CLDN16: variants seen among roughly 807,000 people sequenced by gnomAD.
CLDN16 encodes claudin-16.
CLDN16 carries 13 observed loss-of-function variants against 24.6 expected under a neutral mutation model. That is an observed-to-expected ratio of 0.53 (90% confidence interval 0.34 to 0.84). The LOEUF is 0.84. CLDN16 is among the 40% of genes least tolerant of loss of function. CLDN16 has a pLI of 0.01. For synonymous variants in CLDN16, 116 were observed against 106.7 expected, an observed-to-expected ratio of 1.09 and a Z score of -0.54; for missense variants, 298 against 292.7, an observed-to-expected ratio of 1.02 and a Z score of -0.13.
chr3:190,387,330 A>G (rs1393245251), upstream of CLDN16, among the ~76,000 whole-genome samples: 2 of 150,600 alleles, frequency 1.3e-5, no homozygotes, highest in Non-Finnish European at 2.9e-5. Flanking sequence ...TTTTTTTACA[A>G]AAAAGAAACA....
Position 190,404,884 on chromosome 3 carries a change from G to A in CLDN16, c.340G>A (p.Val114Ile). The change falls in exon 3 of 5, where the codon GTC becomes ATC. Residue 114 changes from valine to isoleucine, a missense_variant. Val to Ile is a conservative substitution (Grantham distance 29, BLOSUM62 3). Coordinates refer to ENST00000264734, the MANE Select transcript of CLDN16 (RefSeq NM_006580.4). ...KFLPDEPYIK[V>I]RICFVAGATL... is the part of the protein sequence containing the mutation. The stretch of plus-strand genomic sequence containing the variant: ...CCTCCCTGATGAGCCGTACATTAAA[G>A]TCCGCATCTGCTTTGTTGCTGGAGC... 6.2e-7 allele frequency: 1 copy of A among 1,614,132 alleles called. No individual in the cohort carries two copies. The highest frequency in any genetic ancestry group is 1.3e-5 in the African/African-American group (1 of 75,036).
intron 1 of CLDN16, among the ~76,000 whole-genome samples, chr3:190,398,567 T>C (rs1360974945): frequency 2.0e-5 from 3 of 152,332 alleles, no homozygotes; most frequent in Non-Finnish European, 2.9e-5. Context: ...TTTTTCCAAA[T>C]AAGGTCATAT....
intron 1 of CLDN16, among the ~76,000 whole-genome samples, chr3:190,342,577 T>A (rs925992199): frequency 7.2e-5 from 11 of 152,098 alleles, no homozygotes; most frequent in African/African-American, 2.7e-4. Flanking sequence ...GATACAAAGC[T>A]ATAGTAAACA....
At chr3:190,298,454 CT>C in the CLDN16 span, among the ~76,000 whole-genome samples, 84 of 139,646 alleles carry the variant, frequency 6.0e-4, no homozygotes, top group East Asian at 6.3e-4. Context: ...CTGGGAGTTG[CT>C]TTTTTTTTTT....
At chr3:190,388,516 A>G in intron 1 of CLDN16, 73 bp downstream of exon 1, 1 of 1,221,480 alleles carries the variant, frequency 8.2e-7, no homozygotes, top group Non-Finnish European at 1.2e-6. Context: ...TGCCATGTAC[A>G]ACATTCAGTA....
intron 1 of CLDN16, among the ~76,000 whole-genome samples, chr3:190,326,179 T>C (rs1717056513): frequency 6.6e-6 from 1 of 152,194 alleles, no homozygotes; most frequent in Non-Finnish European, 1.5e-5. Context: ...AGTTCAGACA[T>C]GCACATTATT....
chr3:190,379,087 G>T (rs972782395), intron 3 of CLDN16, among the ~76,000 whole-genome samples: 2 of 151,998 alleles, frequency 1.3e-5, no homozygotes, highest in Non-Finnish European at 1.5e-5. Context: ...TTGATTTGTT[G>T]TTGTTGAGCC....
upstream of CLDN16, among the ~76,000 whole-genome samples, chr3:190,384,470 T>C (rs1331698760): frequency 6.6e-6 from 1 of 152,144 alleles, no homozygotes; most frequent in African/African-American, 2.4e-5. Context: ...ACAGCCACGG[T>C]GCTAGATTAA....
chr3:190,297,333 C>T, the CLDN16 span, among the ~76,000 whole-genome samples: 2 of 150,670 alleles, frequency 1.3e-5, no homozygotes, highest in Non-Finnish European at 2.9e-5. Context: ...CAGACAGACA[C>T]GAGGCAGGAT....
intron 1 of CLDN16, among the ~76,000 whole-genome samples, chr3:190,360,029 T>C (rs1560087264): frequency 6.6e-6 from 1 of 151,984 alleles, no homozygotes; most frequent in Non-Finnish European, 1.5e-5. Context: ...TGGGTTGGGC[T>C]GAGCTGAGAC....
chr3:190,402,460 A>T (rs747813363), intron 2 of CLDN16, 21 bp downstream of exon 2: 1 of 1,561,180 alleles, frequency 6.4e-7, no homozygotes, highest in African/African-American at 1.4e-5. Flanking sequence ...CTTAGAGCTC[A>T]CTGCTTGCCA....
chr3:190,312,787 C>G, the CLDN16 span: 2 of 1,494,192 alleles, frequency 1.3e-6, no homozygotes, highest in African/African-American at 1.4e-5. Flanking sequence ...AGACTGAAAT[C>G]AAGTATAATG....
chr3:190,376,841 C>A (rs1488465357), intron 3 of CLDN16, among the ~76,000 whole-genome samples: 1 of 151,912 alleles, frequency 6.6e-6, no homozygotes, highest in Non-Finnish European at 1.5e-5. Context: ...TTCTCAGAAT[C>A]TCCTGGTAAT....
intron 1 of CLDN16, among the ~76,000 whole-genome samples, chr3:190,369,148 A>C (rs1718082926): frequency 6.6e-6 from 1 of 151,820 alleles, no homozygotes; most frequent in Non-Finnish European, 1.5e-5. Context: ...CTGTTATTCA[A>C]CTTATTTAGG....
chr3:190,303,558 A>G, the CLDN16 span, among the ~76,000 whole-genome samples: 6 of 152,146 alleles, frequency 3.9e-5, no homozygotes, highest in Non-Finnish European at 7.4e-5. Flanking sequence ...TACAAAAATA[A>G]TGAAATAAGT....
chr3:190,302,549 C>T, the CLDN16 span, among the ~76,000 whole-genome samples: 1 of 152,076 alleles, frequency 6.6e-6, no homozygotes, highest in Admixed American at 6.6e-5. Context: ...GTGGGTGGAA[C>T]ACTTGAGCTC....
chr3:190,312,755 C>CTA, the CLDN16 span: 18 of 1,125,332 alleles, frequency 1.6e-5, no homozygotes, highest in Non-Finnish European at 1.3e-6. Context: ...GACTTCAGGT[C>CTA]TATGTTTGCA....
chr3:190,298,348 T>TACAC, the CLDN16 span, among the ~76,000 whole-genome samples: 5,176 of 147,922 alleles, frequency 0.035, 181 homozygotes, highest in African/African-American at 0.096. Flanking sequence ...ATGTATATTA[T>TACAC]ACACACACAC....
At chr3:190,372,275 T>C (rs1300430320) in intron 2 of CLDN16, among the ~76,000 whole-genome samples, 2 of 151,974 alleles carry the variant, frequency 1.3e-5, no homozygotes, top group Non-Finnish European at 2.9e-5. Context: ...ACCCAGCTCC[T>C]TCACATCCCT....
Sources: gnomAD v4.1 joint callset for allele counts (sites outside exome capture counted in the v4.1 genomes callset) on GRCh38, gnomAD v4.1.1 for gene constraint, MANE v1.5 for transcripts, NCBI Gene and HGNC (gene_info 2026-07-23, HGNC 2026-07-21) for gene names.